WDR35: variants seen among roughly 807,000 people sequenced by gnomAD.
The protein encoded by WDR35 is WD repeat domain 35.
WDR35 carries 118 observed loss-of-function variants against 158.3 expected under a neutral mutation model. The observed-to-expected ratio is 0.75, with a 90% CI of 0.64 to 0.87. WDR35 has a LOEUF of 0.87. WDR35 is among the 40% of genes least tolerant of loss of function. WDR35 has a pLI of 0.00. For synonymous variants in WDR35, 448 were observed against 476.1 expected (o/e 0.94, Z 0.77); for missense variants, 1,263 against 1,405.8 (o/e 0.90, Z 1.62).
chr2:19,915,947 C>T (rs1669978192), intron 25 of WDR35, among the ~76,000 whole-genome samples: 1 of 148,898 alleles, frequency 6.7e-6, no homozygotes, highest in African/African-American at 2.5e-5. Flanking sequence ...AAAAGTTGGC[C>T]TTGGCTGGCA....
Position 19,984,002 on chromosome 2 carries a change from CATATATATATATATATATATAT to C in WDR35, c.143-1490_143-1469del, listed in dbSNP as rs753374553. Among the ~76,000 whole-genome samples the C allele has an allele frequency of 1.2e-4, 11 of 89,942 alleles. No individual in the cohort carries two copies. The South Asian group carries it at 2.7e-3, about 22-fold the overall frequency. The allele number at this position is 89,942 out of a possible 152,430, so 59.0% of individuals were successfully genotyped here. A position where few individuals can be genotyped will look rare whatever the true frequency, so the allele number is the denominator to read the frequency against. On this transcript the variant is annotated intron_variant, in intron 2 of 26. Transcript: ENST00000281405. ...TAGCACTGAAAAATCCATTCTAATG[CATATATATATATATATATATAT>C]ATATATATATATATATACATATATA...
chr2:19,983,998 A>C (rs1672468833), intron 2 of WDR35, among the ~76,000 whole-genome samples: 1 of 140,900 alleles, frequency 7.1e-6, no homozygotes, highest in African/African-American at 2.8e-5. Flanking sequence ...AATCCATTCT[A>C]ATGCATATAT....
chr2:19,981,263 G>A (rs1001460924), intron 3 of WDR35, among the ~76,000 whole-genome samples: 2 of 152,160 alleles, frequency 1.3e-5, no homozygotes, highest in Non-Finnish European at 2.9e-5. Flanking sequence ...TCTAGGGTAC[G>A]TGAATAATTG....
Position 19,953,983 on chromosome 2 carries a change from T to A in WDR35, c.1256-5A>T. The A allele has an allele frequency of 6.2e-7, 1 of 1,614,028 alleles. No individual in the cohort carries two copies. The highest frequency in any genetic ancestry group is 8.5e-7 in the Non-Finnish European group (1 of 1,179,976). ...TCATTGCAACAAACAATGGTACTGT[T>A]AAAAATAACATTAAGATAATTTACA... On this transcript the variant is annotated splice_region_variant and splice_polypyrimidine_tract_variant and intron_variant, in intron 11 of 26. Coordinates refer to ENST00000281405, the MANE Select transcript of WDR35 (RefSeq NM_020779.4).
At chr2:19,972,182 T>C (rs895836212) in intron 8 of WDR35, among the ~76,000 whole-genome samples, 2 of 152,234 alleles carry the variant, frequency 1.3e-5, no homozygotes, top group African/African-American at 2.4e-5. Flanking sequence ...CCATCCAGGT[T>C]ATCTTTCCTA....
chr2:19,933,127 C>T (rs1670574743), intron 22 of WDR35, among the ~76,000 whole-genome samples: 2 of 152,256 alleles, frequency 1.3e-5, no homozygotes, highest in South Asian at 4.1e-4. Context: ...CAAAAACTTG[C>T]CAGACTAAAA....
chr2:19,972,383 T>C (rs1173933693), intron 8 of WDR35, among the ~76,000 whole-genome samples: 1 of 152,208 alleles, frequency 6.6e-6, no homozygotes, highest in Non-Finnish European at 1.5e-5. Flanking sequence ...AACCCATGTT[T>C]TTCTACCTGG....
At chr2:19,963,567 T>C (rs1275507423) in intron 10 of WDR35, among the ~76,000 whole-genome samples, 8 of 152,284 alleles carry the variant, frequency 5.3e-5, no homozygotes, top group African/African-American at 1.9e-4. Flanking sequence ...GCTGGTACTT[T>C]CTTCCTCACT....
chr2:19,985,136 C>T (rs1245822694), intron 2 of WDR35, among the ~76,000 whole-genome samples: 1 of 152,204 alleles, frequency 6.6e-6, no homozygotes, highest in Non-Finnish European at 1.5e-5. Flanking sequence ...CTGCAGTTGG[C>T]TTCCATGGCC....
chr2:19,915,436 CAA>C (rs35591858), intron 25 of WDR35, among the ~76,000 whole-genome samples: 3 of 120,094 alleles, frequency 2.5e-5, no homozygotes, highest in Non-Finnish European at 1.8e-5. Context: ...TTACCACTGA[CAA>C]AAAAAAAAAA....
intron 17 of WDR35, among the ~76,000 whole-genome samples, chr2:19,940,595 T>C (rs1477248104): frequency 6.6e-6 from 1 of 152,154 alleles, no homozygotes; most frequent in Non-Finnish European, 1.5e-5. Flanking sequence ...TTTTTGATGG[T>C]TGGCTGCTGA....
chr2:19,954,114 C>T (rs1302816679), intron 11 of WDR35, 136 bp from the exon 12 acceptor site: 4 of 909,826 alleles, frequency 4.4e-6, no homozygotes, highest in African/African-American at 3.4e-5. Context: ...TCAAAATACC[C>T]ATACACAGTC....
chr2:19,977,339 A>T (rs1672248122), intron 5 of WDR35, among the ~76,000 whole-genome samples: 1 of 152,242 alleles, frequency 6.6e-6, no homozygotes, highest in Admixed American at 6.5e-5. Context: ...TATCCAACAG[A>T]GGAATTTTCC....
At chr2:19,968,831 T>C (rs1439187359) in intron 9 of WDR35, among the ~76,000 whole-genome samples, 2 of 152,224 alleles carry the variant, frequency 1.3e-5, no homozygotes, top group African/African-American at 4.8e-5. Context: ...GATTATATGT[T>C]ATGTTGCTTA....
chr2:19,915,818 C>CA (rs1418285260), intron 25 of WDR35, among the ~76,000 whole-genome samples: 2 of 151,562 alleles, frequency 1.3e-5, no homozygotes, highest in African/African-American at 4.9e-5. Context: ...CACATGTTCT[C>CA]ACTCATATGT....
chr2:19,980,841 AT>A, intron 3 of WDR35, 58 bp from the exon 4 acceptor site: 1 of 1,446,848 alleles, frequency 6.9e-7, no homozygotes, highest in Non-Finnish European at 9.7e-7. Flanking sequence ...TCAAATTCAC[AT>A]TTTTATATAA....
At chr2:19,922,538 G>A (rs1184574825) in intron 25 of WDR35, among the ~76,000 whole-genome samples, 1 of 150,250 alleles carries the variant, frequency 6.7e-6, no homozygotes, top group Non-Finnish European at 1.5e-5. Flanking sequence ...ATGGACACAG[G>A]GGCAGGAGAT....
At chr2:19,919,398 AGAAAAG>A (rs1348869675) in intron 25 of WDR35, among the ~76,000 whole-genome samples, 9 of 83,644 alleles carry the variant, frequency 1.1e-4, no homozygotes, top group Non-Finnish European at 2.0e-4. Context: ...AAAAAAAAAA[AGAAAAG>A]AAAAAGAAAA....
intron 25 of WDR35, among the ~76,000 whole-genome samples, chr2:19,918,185 G>A (rs910273298): frequency 3.9e-5 from 6 of 152,066 alleles, no homozygotes; most frequent in Non-Finnish European, 7.4e-5. Context: ...TACAGACAAG[G>A]AAATGCTGAG....
Sources: allele counts gnomAD v4.1 joint callset (sites outside exome capture counted in the v4.1 genomes callset), GRCh38; gene constraint gnomAD v4.1.1; transcripts MANE v1.5; gene names NCBI Gene and HGNC (gene_info 2026-07-23, HGNC 2026-07-21).